Variants in FAM120A observed in about 807,000 individuals in gnomAD.
FAM120A encodes the protein constitutive coactivator of PPAR-gamma-like protein 1.
Under a neutral mutation model 109.7 loss-of-function variants are expected in FAM120A, and 15 were observed. The ratio of observed to expected loss-of-function variants is 0.14; its 90% CI spans 0.09 to 0.21. FAM120A has a LOEUF of 0.21. FAM120A is among the 10% of genes least tolerant of loss of function. The pLI, the probability that FAM120A is intolerant of heterozygous loss-of-function variation, is 1.00. For synonymous variants in FAM120A, 493 were observed against 572.8 expected (o/e 0.86, Z 1.99); for missense variants, 899 against 1,439.3 (o/e 0.62, Z 6.07).
intron 11 of FAM120A, among the ~76,000 whole-genome samples, chr9:93,545,424 GC>G (rs1253639176): frequency 1.2e-4 from 18 of 152,348 alleles, no homozygotes; most frequent in African/African-American, 4.1e-4. Flanking sequence ...GTAGCTTCTG[GC>G]TCTGGCAGTG....
Position 93,557,859 on chromosome 9 carries a change from C to T in FAM120A, c.2517C>T (p.Arg839=). The change falls in exon 14 of 18, where the codon CGC becomes CGT. Residue 839 remains arginine (R), a synonymous_variant. Transcript: ENST00000277165. Reference sequence around the variant, plus strand: ...AGGCTGCCAAGGTAGAGAAGATGCGCCAGAGCGTCCTCGAGGGGCTCAGCT... The same window carrying T: ...AGGCTGCCAAGGTAGAGAAGATGCGTCAGAGCGTCCTCGAGGGGCTCAGCT... ...ADQAAKVEKM[R]QSVLEGLSFS... is the part of the protein sequence containing the mutation. The T allele has an allele frequency of 6.2e-7, 1 of 1,613,890 alleles. No individual in the cohort carries two copies. The highest frequency in any genetic ancestry group is 8.5e-7 in the Non-Finnish European group (1 of 1,179,984).
chr9:93,504,846 A>G lies in FAM120A; in HGVS notation c.1030+5960A>G, dbSNP rs1859960837. On this transcript the variant is annotated intron_variant, in intron 5 of 17. Coordinates refer to ENST00000277165, the MANE Select transcript of FAM120A (RefSeq NM_014612.5). ...GCCTCTGCTGCTGCCGGACACGGAT[A>G]CACCTATTTATTCTCCTGGCAGAAG... 2.6e-5 allele frequency among the ~76,000 whole-genome samples: 4 copies of G among 152,098 alleles called. 1 individual carries two copies. In the South Asian group the frequency reaches 6.2e-4, roughly 24 times the overall value.
At chr9:93,458,331 T>C (rs1452652753) in intron 1 of FAM120A, among the ~76,000 whole-genome samples, 1 of 152,014 alleles carries the variant, frequency 6.6e-6, no homozygotes, top group Non-Finnish European at 1.5e-5. Flanking sequence ...CCTTCCGCCA[T>C]TTCTCTTTTC....
intron 1 of FAM120A, among the ~76,000 whole-genome samples, chr9:93,457,535 A>G (rs1453325922): frequency 4.6e-5 from 7 of 152,166 alleles, no homozygotes; most frequent in Non-Finnish European, 5.9e-5. Context: ...TCCAACCCCG[A>G]CAGATGGTAT....
chr9:93,536,018 G>A (rs975706357), intron 10 of FAM120A, among the ~76,000 whole-genome samples: 3 of 151,388 alleles, frequency 2.0e-5, no homozygotes, highest in East Asian at 2.0e-4. Context: ...ACACATATTT[G>A]TACTAAGGAG....
chr9:93,520,254 A>G (rs1860789829), intron 7 of FAM120A, among the ~76,000 whole-genome samples: 1 of 151,796 alleles, frequency 6.6e-6, no homozygotes, highest in African/African-American at 2.4e-5. Context: ...CGGGAGGCTG[A>G]GGTGGGAGGA....
At chr9:93,523,667 G>A (rs983341476) in intron 7 of FAM120A, among the ~76,000 whole-genome samples, 4 of 152,162 alleles carry the variant, frequency 2.6e-5, no homozygotes, top group African/African-American at 9.7e-5. Flanking sequence ...GGGGTGCAAG[G>A]GGATAGCTCC....
chr9:93,542,350 C>T (rs146255281), intron 10 of FAM120A, among the ~76,000 whole-genome samples: 1 of 152,304 alleles, frequency 6.6e-6, no homozygotes, highest in East Asian at 1.9e-4. Context: ...TACCTCAGTG[C>T]AGTTGATGAG....
intron 5 of FAM120A, among the ~76,000 whole-genome samples, chr9:93,511,666 T>C (rs1860328073): frequency 6.6e-6 from 1 of 152,258 alleles, no homozygotes; most frequent in African/African-American, 2.4e-5. Context: ...ATGTTTTGCC[T>C]TGTCTGTGTT....
intron 15 of FAM120A, among the ~76,000 whole-genome samples, chr9:93,559,080 G>A (rs762943118): frequency 1.3e-5 from 2 of 152,198 alleles, no homozygotes; most frequent in East Asian, 1.9e-4. Flanking sequence ...TATCATGCTT[G>A]TATAGAAAAT....
intron 5 of FAM120A, among the ~76,000 whole-genome samples, chr9:93,515,358 T>C (rs1860521921): frequency 6.6e-6 from 1 of 152,186 alleles, no homozygotes; most frequent in African/African-American, 2.4e-5. Context: ...CCCACCAAGT[T>C]GCAGGCAGAG....
chr9:93,564,050 A>G (rs570991224), intron 17 of FAM120A, among the ~76,000 whole-genome samples, 179 bp from the exon 18 acceptor site: 11 of 152,194 alleles, frequency 7.2e-5, no homozygotes, highest in African/African-American at 2.7e-4. Flanking sequence ...GAGGGAACTG[A>G]CTGAGACAGG....
chr9:93,504,636 A>AT (rs968334181), intron 5 of FAM120A, among the ~76,000 whole-genome samples: 1 of 152,134 alleles, frequency 6.6e-6, no homozygotes, highest in Admixed American at 6.5e-5. Context: ...GGCATAGTTC[A>AT]TTTTTTAATG....
intron 11 of FAM120A, among the ~76,000 whole-genome samples, chr9:93,550,035 A>G (rs1294065776): frequency 6.6e-6 from 1 of 152,178 alleles, no homozygotes; most frequent in African/African-American, 2.4e-5. Flanking sequence ...CCGTGGCTCT[A>G]GTGATGGTCC....
intron 2 of FAM120A, among the ~76,000 whole-genome samples, chr9:93,475,970 C>G (rs1858529996): frequency 6.6e-6 from 1 of 152,122 alleles, no homozygotes; most frequent in African/African-American, 2.4e-5. Flanking sequence ...TCAGACTGAC[C>G]TTTTGCAAAC....
At chr9:93,561,444 G>A (rs1862462756) in intron 16 of FAM120A, among the ~76,000 whole-genome samples, 194 bp downstream of exon 16, 8 of 152,128 alleles carry the variant, frequency 5.3e-5, no homozygotes, top group Admixed American at 5.2e-4. Flanking sequence ...ACCCAGGCTA[G>A]AGTGCAGTGG....
chr9:93,489,183 C>T, intron 3 of FAM120A, among the ~76,000 whole-genome samples: 1 of 151,980 alleles, frequency 6.6e-6, no homozygotes, highest in Non-Finnish European at 1.5e-5. Flanking sequence ...GACCACAGTG[C>T]TGTGGCTAAG....
At chr9:93,501,934 G>A (rs933552656) in intron 5 of FAM120A, among the ~76,000 whole-genome samples, 3 of 152,160 alleles carry the variant, frequency 2.0e-5, no homozygotes, top group Admixed American at 2.0e-4. Context: ...CTAACAGGGC[G>A]AAGACTGGAA....
rs189878927 is a variant in FAM120A at position 93,523,184 on chromosome 9, T to G, written c.1419-3971T>G. ...TAATGTAAAATAGCTAAAAGAATTT[T>G]ATTTGGCTCCCTTTGATCTGGTATC... On this transcript the variant is annotated intron_variant, in intron 7 of 17. Transcript: ENST00000277165. 4.7e-3 allele frequency: 1,990 copies of G among 426,700 alleles called. 29 individuals are homozygous for G. Among genetic ancestry groups the G allele is most frequent in the South Asian group, 0.02 (912 of 46,512 alleles). 26.4% of individuals were successfully genotyped at this position (426,700 alleles called of 1,614,324 possible).
Sources: allele counts gnomAD v4.1 joint callset (sites outside exome capture counted in the v4.1 genomes callset), GRCh38; gene constraint gnomAD v4.1.1; transcripts MANE v1.5; gene names NCBI Gene and HGNC (gene_info 2026-07-23, HGNC 2026-07-21).